KDM3B: variants seen among roughly 807,000 people sequenced by gnomAD.
KDM3B encodes the protein lysine-specific demethylase 3B.
A neutral mutation model predicts 170.0 loss-of-function variants in KDM3B; 10 were observed. The ratio of observed to expected loss-of-function variants is 0.06; its 90% CI spans 0.04 to 0.10. KDM3B has a LOEUF of 0.10. Ranked by LOEUF, KDM3B falls within the 10% of genes least tolerant of loss-of-function variation. The pLI is 1.00. For missense variants in KDM3B, 1,394 were observed against 2,195.2 expected, an observed-to-expected ratio of 0.64 and a Z score of 7.29; for synonymous variants, 831 against 834.8, an observed-to-expected ratio of 1.00 and a Z score of 0.08.
chr5:138,415,860 G>C (rs1269502616), intron 12 of KDM3B, among the ~76,000 whole-genome samples: 1 of 152,100 alleles, frequency 6.6e-6, no homozygotes, highest in African/African-American at 2.4e-5. Context: ...TCCCATTCCT[G>C]TGGTTGGCTG....
intron 1 of KDM3B, among the ~76,000 whole-genome samples, chr5:138,353,364 C>G (rs1761377212): frequency 6.6e-6 from 1 of 152,258 alleles, no homozygotes; most frequent in South Asian, 2.1e-4. Flanking sequence ...CTCGAAGACG[C>G]GGACCTGTGG....
At chr5:138,377,599 T>G in intron 3 of KDM3B, 121 bp from the exon 4 acceptor site, 1 of 670,174 alleles carries the variant, frequency 1.5e-6, no homozygotes, top group Non-Finnish European at 2.6e-6. Flanking sequence ...AGACTAAGGT[T>G]CTATAGATAT....
At chr5:138,416,174 A>T (rs1038101019) in intron 12 of KDM3B, among the ~76,000 whole-genome samples, 3 of 152,206 alleles carry the variant, frequency 2.0e-5, no homozygotes, top group Non-Finnish European at 4.4e-5. Flanking sequence ...TCACAATCCC[A>T]GTTTACTTCA....
At chr5:138,371,894 G>T (rs1424855836) in intron 1 of KDM3B, among the ~76,000 whole-genome samples, 2 of 152,200 alleles carry the variant, frequency 1.3e-5, no homozygotes, top group Non-Finnish European at 2.9e-5. Flanking sequence ...AGTCTGAGGT[G>T]TACAGATCCC....
At chr5:138,397,666 G>A (rs1029691028) in intron 9 of KDM3B, among the ~76,000 whole-genome samples, 2 of 152,000 alleles carry the variant, frequency 1.3e-5, no homozygotes, top group South Asian at 2.1e-4. Context: ...TTCAAGACCA[G>A]CCTGGGCAAC....
chr5:138,388,589 C>T (rs1262316254), intron 7 of KDM3B, among the ~76,000 whole-genome samples: 4 of 144,542 alleles, frequency 2.8e-5, no homozygotes, highest in African/African-American at 1.0e-4. Flanking sequence ...CCAAGAGAGC[C>T]AAGATTGTGC....
chr5:138,381,438 A>C (rs1762122280), intron 5 of KDM3B, 78 bp from the exon 6 acceptor site: 1 of 915,366 alleles, frequency 1.1e-6, no homozygotes, highest in Non-Finnish European at 1.8e-6. Context: ...ATAAAGAGAT[A>C]ATTACATTGA....
intron 11 of KDM3B, among the ~76,000 whole-genome samples, chr5:138,412,740 A>C (rs1170125989): frequency 3.3e-5 from 5 of 152,164 alleles, no homozygotes; most frequent in Non-Finnish European, 5.9e-5. Flanking sequence ...CAGAAGGATC[A>C]CTAGAGTCCA....
chr5:138,356,244 A>G (rs937263828), intron 1 of KDM3B, among the ~76,000 whole-genome samples: 4 of 152,290 alleles, frequency 2.6e-5, no homozygotes, highest in African/African-American at 9.6e-5. Flanking sequence ...TTAGCAATCC[A>G]GGGTTGAAAT....
intron 7 of KDM3B, among the ~76,000 whole-genome samples, chr5:138,387,076 C>G (rs1051896343): frequency 2.0e-5 from 3 of 148,536 alleles, no homozygotes; most frequent in African/African-American, 7.3e-5. Flanking sequence ...TCCCTTGAGG[C>G]TGAGTTAATT....
chr5:138,405,200 C>T (rs1762786072), intron 11 of KDM3B, among the ~76,000 whole-genome samples: 2 of 151,884 alleles, frequency 1.3e-5, no homozygotes, highest in African/African-American at 2.4e-5. Context: ...CCTGCCACCA[C>T]GCCTGGCTAA....
intron 9 of KDM3B, among the ~76,000 whole-genome samples, chr5:138,396,653 G>A (rs1012107145): frequency 2.0e-5 from 3 of 152,104 alleles, no homozygotes; most frequent in African/African-American, 7.2e-5. Flanking sequence ...CATGGAATAC[G>A]TGGGCCAAGT....
At position 138,392,119 on chromosome 5, in the gene KDM3B, G is replaced by C; in HGVS notation, c.2487G>C (p.Gln829His). The change falls in exon 8 of 24, where the codon CAG becomes CAC. Residue 829 changes from glutamine (Q) to histidine (H), a missense_variant. Gln to His is a conservative substitution (Grantham distance 24). Transcript: ENST00000314358. ...SDLSDSEEQL[Q>H]AKTGLKGIPE... ...TGAGTGACTCTGAGGAGCAGCTGCA[G>C]GCTAAGACAGGCCTGAAGGGAATTC... 6.2e-7 allele frequency: 1 copy of C among 1,602,816 alleles called. No homozygotes were observed. Among genetic ancestry groups the C allele is most frequent in the Non-Finnish European group, 8.5e-7 (1 of 1,170,792 alleles).
intron 1 of KDM3B, among the ~76,000 whole-genome samples, chr5:138,362,575 CACACACACACAA>C (rs776291376): frequency 0.025 from 3,401 of 133,484 alleles, 61 homozygotes; most frequent in South Asian, 0.13. Context: ...CACACACACA[CACACACACACAA>C]AATATCTTAA....
chr5:138,386,268 C>T lies in KDM3B; in HGVS notation c.1027C>T (p.Pro343Ser). Residue 343 changes from proline to serine, a missense_variant, in exon 7 of 24, where the codon CCG becomes TCG. Pro to Ser is a moderately conservative substitution (Grantham distance 74, BLOSUM62 -1). Transcript: ENST00000314358. ...GCTGGATCAGAGAGCCAAGCAGCCACCGTCTACATTTGTCCCCCAGATAAA... is the reference window on the plus strand; with the variant it reads ...GCTGGATCAGAGAGCCAAGCAGCCATCGTCTACATTTGTCCCCCAGATAAA... The part of the protein sequence containing the change: ...PGLDQRAKQP[P>S]STFVPQINRN... The T allele has an allele frequency of 6.2e-7, 1 of 1,614,182 alleles. No homozygotes were observed. Among genetic ancestry groups the T allele is most frequent in the Non-Finnish European group, 8.5e-7 (1 of 1,180,050 alleles).
Position 138,425,518 on chromosome 5 carries a change from G to A in KDM3B, c.4347G>A (p.Arg1449=). The change falls in exon 17 of 24, where the codon AGG becomes AGA. Residue 1449 remains arginine (R), a synonymous_variant. Transcript: ENST00000314358. Reference sequence around the variant, plus strand: ...AGGATGTAGACTTGGTGAACTGCAGGAACTGTGCTATAATTTCCGATGTGA... The same window carrying A: ...AGGATGTAGACTTGGTGAACTGCAGAAACTGTGCTATAATTTCCGATGTGA... ...GDQDVDLVNC[R]NCAIISDVKV... is the part of the protein sequence containing the mutation. The A allele has an allele frequency of 6.2e-7, 1 of 1,614,124 alleles. No individual in the cohort carries two copies. Among genetic ancestry groups the A allele is most frequent in the South Asian group, 1.1e-5 (1 of 91,074 alleles).
At chr5:138,412,454 G>C (rs1232882986) in intron 11 of KDM3B, among the ~76,000 whole-genome samples, 2 of 152,052 alleles carry the variant, frequency 1.3e-5, no homozygotes, top group African/African-American at 4.8e-5. Context: ...AGGAGTTCAA[G>C]ACCAGCCTAG....
At chr5:138,434,540 T>C in intron 23 of KDM3B, among the ~76,000 whole-genome samples, 1 of 139,354 alleles carries the variant, frequency 7.2e-6, no homozygotes, top group Non-Finnish European at 1.5e-5. Flanking sequence ...AGTGTTAGAC[T>C]CCATCTCAAA....
intron 11 of KDM3B, among the ~76,000 whole-genome samples, chr5:138,412,045 A>T (rs2126979708): frequency 6.7e-6 from 1 of 150,098 alleles, no homozygotes; most frequent in African/African-American, 2.4e-5. Flanking sequence ...TTTTCAGAAG[A>T]CACGTAAAAG....
Sources: gnomAD v4.1 joint callset for allele counts (sites outside exome capture counted in the v4.1 genomes callset) on GRCh38, gnomAD v4.1.1 for gene constraint, MANE v1.5 for transcripts, NCBI Gene and HGNC (gene_info 2026-07-23, HGNC 2026-07-21) for gene names.